REP15: variants seen among roughly 807,000 people sequenced by gnomAD.
The protein encoded by REP15 is RAB15 effector protein.
Under a neutral mutation model 1.1 loss-of-function variants are expected in REP15, and 1 was observed. The observed-to-expected ratio is 0.89, with a 90% CI of 0.32 to 4.24. The LOEUF is 4.24. Ranked by LOEUF, REP15 falls within the 30% of genes most tolerant of loss-of-function variation. The probability of loss-of-function intolerance (pLI) is 0.17; values close to 1 mark genes in which losing one functional copy is unlikely to be tolerated. For missense variants in REP15, 246 were observed against 271.9 expected (o/e 0.90, Z 0.67); for synonymous variants, 100 against 99.7 (o/e 1.00, Z -0.02).
rs1333664809 is a variant in REP15 at position 27,696,785 on chromosome 12, T to C, written c.223T>C (p.Trp75Arg). The C allele has an allele frequency of 6.2e-7, 1 of 1,614,106 alleles. No individual in the cohort carries two copies. Among genetic ancestry groups the C allele is most frequent in the South Asian group, 1.1e-5 (1 of 91,078 alleles). The change falls in exon 1 of 1, where the codon TGG becomes CGG. Residue 75 changes from tryptophan to arginine, a missense_variant. Coordinates refer to ENST00000310791, the MANE Select transcript of REP15 (RefSeq NM_001029874.3). ...CTGCCAAGAAAAGGGAGTTGATGAG[T>C]GGCTGACCACCACCAAGATGACCAA... is the stretch of plus-strand genomic sequence containing the variant. Reference protein sequence around the residue: ...TFCQEKGVDEWLTTTKMTKHQ... With the variant: ...TFCQEKGVDERLTTTKMTKHQ...
At position 27,697,004 on chromosome 12, in the gene REP15, C is replaced by T. The variant is rs560293371; in HGVS notation, c.442C>T (p.Leu148=). Residue 148 remains leucine, a synonymous_variant, in exon 1 of 1, where the codon CTG becomes TTG. Transcript: ENST00000310791. ...SSWKKSRFDK[L]EEFCNLIGED... is the part of the protein sequence containing the mutation. ...CTGGAAGAAAAGTAGATTTGATAAG[C>T]TGGAAGAATTCTGTAACTTAATAGG... 6.2e-7 allele frequency: 1 copy of T among 1,614,042 alleles called. No homozygotes were observed. The highest frequency in any genetic ancestry group is 1.6e-4 in the Middle Eastern group (1 of 6,062).
Position 27,696,798 on chromosome 12 carries a change from CCAA to C in REP15, c.237_239del (p.Lys80del). ...GGAGTTGATGAGTGGCTGACCACCA[CCAA>C]GATGACCAAGCACCAAGCCTTCCTG... On this transcript the variant is annotated inframe_deletion, in exon 1 of 1. Transcript: ENST00000310791. The C allele has an allele frequency of 3.1e-6, 5 of 1,614,118 alleles. No individual in the cohort carries two copies. Among genetic ancestry groups the C allele is most frequent in the Non-Finnish European group, 4.2e-6 (5 of 1,179,976 alleles).
Position 27,696,488 on chromosome 12 carries a change from C to T in REP15, c.-75C>T. The T allele has an allele frequency of 8.5e-7, 1 of 1,183,178 alleles. No homozygotes were observed. Among genetic ancestry groups the T allele is most frequent in the South Asian group, 1.6e-5 (1 of 64,386 alleles). 73.3% of individuals were successfully genotyped at this position (1,183,178 alleles called of 1,614,324 possible). ...ATGAACCATTAACAGATGTGGCCTC[C>T]CTGCAGAACTTTTACTTTGAAAAAG... On this transcript the variant is annotated 5_prime_UTR_variant, in exon 1 of 1. Transcript: ENST00000310791.
rs2061742184 is a variant in REP15 at position 27,697,501 on chromosome 12, G to GACT, written c.*228_*229insACT. The stretch of plus-strand genomic sequence containing the variant: ...ATGATTTAAAAACAGTTCAGGAAAA[G>GACT]TTATAATTTAGTTTAATATTTCATT... On this transcript the variant is annotated 3_prime_UTR_variant, in exon 1 of 1. Transcript: ENST00000310791. 1 of 370,216 alleles carries GACT rather than the reference G, an allele frequency of 2.7e-6. No individual in the cohort carries two copies. Among genetic ancestry groups the GACT allele is most frequent in the African/African-American group, 2.1e-5 (1 of 47,734 alleles). The allele number at this position is 370,216 out of a possible 1,614,324, so 22.9% of individuals were successfully genotyped here.
At position 27,697,262 on chromosome 12, in the gene REP15, A is replaced by C; in HGVS notation, c.700A>C (p.Ser234Arg). The C allele has an allele frequency of 6.2e-7, 1 of 1,606,290 alleles. No individual in the cohort carries two copies. The highest frequency in any genetic ancestry group is 8.5e-7 in the Non-Finnish European group (1 of 1,173,420). Residue 234 changes from serine to arginine, a missense_variant, in exon 1 of 1, where the codon AGC becomes CGC. Ser to Arg is a moderately radical substitution (Grantham distance 110, BLOSUM62 -1). Transcript: ENST00000310791. ...GAGAGAGGTGGGCAAGGTTTATATC[A>C]GCATTCTCTGACTTGGATATGTATT... ...GLREVGKVYI[S>R]IL
At position 27,696,714 on chromosome 12, in the gene REP15, C is replaced by T; in HGVS notation, c.152C>T (p.Ala51Val). 6.2e-7 allele frequency: 1 copy of T among 1,614,166 alleles called. No individual in the cohort carries two copies. The highest frequency in any genetic ancestry group is 8.5e-7 in the Non-Finnish European group (1 of 1,180,028). ...FEYPPSKLCP[A>V]ANTLNEIFLI... Reference sequence around the variant, plus strand: ...TATCCTCCAAGTAAACTCTGCCCAGCTGCAAATACTCTGAATGAGATCTTC... The same window carrying T: ...TATCCTCCAAGTAAACTCTGCCCAGTTGCAAATACTCTGAATGAGATCTTC... Residue 51 changes from alanine (A) to valine (V), a missense_variant, in exon 1 of 1, where the codon GCT becomes GTT. By Grantham distance (64) the Ala-to-Val change is moderately conservative. Transcript: ENST00000310791.
In REP15 at chr12:27,697,495, G is replaced by A. The variant is rs1160015538; in HGVS notation, c.*222G>A. ...CTGCCTATGATTTAAAAACAGTTCAGGAAAAGTTATAATTTAGTTTAATAT... is the reference window on the plus strand; with the variant it reads ...CTGCCTATGATTTAAAAACAGTTCAAGAAAAGTTATAATTTAGTTTAATAT... On this transcript the variant is annotated 3_prime_UTR_variant, in exon 1 of 1. Transcript: ENST00000310791. The A allele has an allele frequency of 1.0e-5, 4 of 386,608 alleles. No individual in the cohort carries two copies. The highest frequency in any genetic ancestry group is 1.9e-5 in the Non-Finnish European group (4 of 208,842). 23.9% of individuals were successfully genotyped at this position (386,608 alleles called of 1,614,324 possible). A position where few individuals can be genotyped will look rare whatever the true frequency, so the allele number is the denominator to read the frequency against.
rs773967197 is a variant in REP15 at position 27,696,990 on chromosome 12, G to C, written c.428G>C (p.Ser143Thr). The C allele has an allele frequency of 1.9e-6, 3 of 1,614,056 alleles. No individual in the cohort carries two copies. In the South Asian group the frequency reaches 3.3e-5, roughly 18 times the overall value. The change falls in exon 1 of 1, where the codon AGT (serine) becomes ACT (threonine). Residue 143 changes from serine to threonine, a missense_variant. By Grantham distance (58) the Ser-to-Thr change is moderately conservative. Coordinates refer to ENST00000310791, the MANE Select transcript of REP15 (RefSeq NM_001029874.3). ...GTAGAGGAGTCTTCCTGGAAGAAAAGTAGATTTGATAAGCTGGAAGAATTC... is the reference window on the plus strand; with the variant it reads ...GTAGAGGAGTCTTCCTGGAAGAAAACTAGATTTGATAAGCTGGAAGAATTC... ...SRVEESSWKK[S>T]RFDKLEEFCN... is the part of the protein sequence containing the mutation.
At position 27,696,992 on chromosome 12, in the gene REP15, A is replaced by G. The variant is rs1021811996; in HGVS notation, c.430A>G (p.Arg144Gly). Residue 144 changes from arginine to glycine, a missense_variant, in exon 1 of 1, where the codon AGA (arginine) becomes GGA (glycine). Coordinates refer to ENST00000310791, the MANE Select transcript of REP15 (RefSeq NM_001029874.3). ...RVEESSWKKS[R>G]FDKLEEFCNL... ...AGAGGAGTCTTCCTGGAAGAAAAGT[A>G]GATTTGATAAGCTGGAAGAATTCTG... 2 of 1,614,034 alleles carry G rather than the reference A, an allele frequency of 1.2e-6. No individual in the cohort carries two copies. Among genetic ancestry groups the G allele is most frequent in the Admixed American group, 3.3e-5 (2 of 60,004 alleles).
Position 27,696,771 on chromosome 12 carries a change from A to C in REP15, c.209A>C (p.Lys70Thr). The C allele has an allele frequency of 6.2e-7, 1 of 1,614,066 alleles. No individual in the cohort carries two copies. Among genetic ancestry groups the C allele is most frequent in the Non-Finnish European group, 8.5e-7 (1 of 1,179,908 alleles). ...LIHFITFCQE[K>T]GVDEWLTTTK... Reference sequence around the variant, plus strand: ...CATTTCATCACTTTCTGCCAAGAAAAGGGAGTTGATGAGTGGCTGACCACC... The same window carrying C: ...CATTTCATCACTTTCTGCCAAGAAACGGGAGTTGATGAGTGGCTGACCACC... The change falls in exon 1 of 1, where the codon AAG becomes ACG. Residue 70 changes from lysine (K) to threonine (T), a missense_variant. Transcript: ENST00000310791.
chr12:27,696,864 A>G lies in REP15; in HGVS notation c.302A>G (p.Asn101Ser), dbSNP rs2061734675. 1.9e-6 allele frequency: 3 copies of G among 1,614,064 alleles called. No individual in the cohort carries two copies. Among genetic ancestry groups the G allele is most frequent in the East Asian group, 4.5e-5 (2 of 44,880 alleles). ...ADWIWTFWGSNKQIKLQLAVQ... is the reference protein window; with the variant it reads ...ADWIWTFWGSSKQIKLQLAVQ... ...TGGATTTGGACCTTTTGGGGATCCA[A>G]CAAGCAAATAAAGCTTCAGCTCGCA... is the stretch of plus-strand genomic sequence containing the variant. Residue 101 changes from asparagine (N) to serine (S), a missense_variant, in exon 1 of 1, where the codon AAC becomes AGC. Physicochemically the swap from Asn to Ser is conservative, Grantham distance 46. Transcript: ENST00000310791.
Position 27,696,532 on chromosome 12 carries a change from T to A in REP15, c.-31T>A. On this transcript the variant is annotated 5_prime_UTR_variant, in exon 1 of 1. Transcript: ENST00000310791. ...GAAAAAGAAGTACGTCTGAACCAGA[T>A]TCACATGTTTGATATTTGGATGCAG... 1 of 1,540,104 alleles carries A rather than the reference T, an allele frequency of 6.5e-7. No individual in the cohort carries two copies.
Position 27,697,090 on chromosome 12 carries a change from G to T in REP15, c.528G>T (p.Arg176Ser), listed in dbSNP as rs1259645991. ...FGMPGKPKDI[R>S]GVVLDSVKSQ... ...TGCCAGGAAAGCCTAAAGACATCAGGGGAGTTGTCCTGGACAGTGTCAAAA... is the reference window on the plus strand; with the variant it reads ...TGCCAGGAAAGCCTAAAGACATCAGTGGAGTTGTCCTGGACAGTGTCAAAA... The change falls in exon 1 of 1, where the codon AGG (arginine) becomes AGT (serine). Residue 176 changes from arginine to serine, a missense_variant. Arg to Ser is a moderately radical substitution (Grantham distance 110, BLOSUM62 -1). Coordinates refer to ENST00000310791, the MANE Select transcript of REP15 (RefSeq NM_001029874.3). The T allele has an allele frequency of 6.2e-7, 1 of 1,614,150 alleles. No individual in the cohort carries two copies. Among genetic ancestry groups the T allele is most frequent in the Admixed American group, 1.7e-5 (1 of 60,018 alleles).
rs778003335 is a variant in REP15, at chr12:27,697,181, G to A, written c.619G>A (p.Asp207Asn). 6.2e-7 allele frequency: 1 copy of A among 1,614,174 alleles called. No homozygotes were observed. The highest frequency in any genetic ancestry group is 8.5e-7 in the Non-Finnish European group (1 of 1,180,004). The change falls in exon 1 of 1, where the codon GAT becomes AAT. Residue 207 changes from aspartate (D) to asparagine (N), a missense_variant. Asp to Asn is a conservative substitution (Grantham distance 23). Coordinates refer to ENST00000310791, the MANE Select transcript of REP15 (RefSeq NM_001029874.3). Reference sequence around the variant, plus strand: ...GGCTCAGTTTGTCCTGGAAACTGAAGATTGTGTGTTCATCAAAGAGCTGCT... The same window carrying A: ...GGCTCAGTTTGTCCTGGAAACTGAAAATTGTGTGTTCATCAAAGAGCTGCT... ...AVAQFVLETE[D>N]CVFIKELLRN... is the part of the protein sequence containing the mutation.
In REP15 at chr12:27,697,426, TG is replaced by T. The variant is rs1347022018; in HGVS notation, c.*154del. 3.7e-6 allele frequency: 2 copies of T among 540,774 alleles called. No individual in the cohort carries two copies. Among genetic ancestry groups the T allele is most frequent in the Admixed American group, 6.8e-5 (2 of 29,464 alleles). 33.5% of individuals were successfully genotyped at this position (540,774 alleles called of 1,614,324 possible). On this transcript the variant is annotated 3_prime_UTR_variant, in exon 1 of 1. Coordinates refer to ENST00000310791, the MANE Select transcript of REP15 (RefSeq NM_001029874.3). ...GATTACTGGGATCAAAGTACATTCA[TG>T]TCGCAATTACAGAGAGAGAGAGAAA...
rs766746563 is a variant in REP15, at chr12:27,697,029, G to A, written c.467G>A (p.Gly156Glu). The A allele has an allele frequency of 1.2e-6, 2 of 1,613,800 alleles. No individual in the cohort carries two copies. Among genetic ancestry groups the A allele is most frequent in the East Asian group, 2.2e-5 (1 of 44,880 alleles). ...DKLEEFCNLI[G>E]EDCLGLFIIF... ...CTGGAAGAATTCTGTAACTTAATAG[G>A]AGAGGATTGCCTGGGTCTGTTTATC... is the stretch of plus-strand genomic sequence containing the variant. Residue 156 changes from glycine (G) to glutamate (E), a missense_variant, in exon 1 of 1, where the codon GGA (glycine) becomes GAA (glutamate). By Grantham distance (98) the Gly-to-Glu change is moderately conservative. Transcript: ENST00000310791.
chr12:27,696,814 C>T lies in REP15; in HGVS notation c.252C>T (p.His84=). ...EWLTTTKMTK[H]QAFLFGADWI... ...TGACCACCACCAAGATGACCAAGCA[C>T]CAAGCCTTCCTGTTTGGTGCAGACT... is the stretch of plus-strand genomic sequence containing the variant. The change falls in exon 1 of 1, where the codon CAC becomes CAT. Residue 84 remains histidine, a synonymous_variant. Transcript: ENST00000310791. 2 of 1,614,170 alleles carry T rather than the reference C, an allele frequency of 1.2e-6. No homozygotes were observed. Among genetic ancestry groups the T allele is most frequent in the Non-Finnish European group, 1.7e-6 (2 of 1,180,028 alleles).
At position 27,696,856 on chromosome 12, in the gene REP15, G is replaced by A; in HGVS notation, c.294G>A (p.Trp98Ter). Residue 98 changes from tryptophan (W) to a stop codon, truncating the protein, a stop_gained, in exon 1 of 1, where the codon TGG becomes TGA. Coordinates refer to ENST00000310791, the MANE Select transcript of REP15 (RefSeq NM_001029874.3). LOFTEE classifies it low-confidence loss of function (END_TRUNC). ...LFGADWIWTF[W>*]GSNKQIKLQL... ...GTGCAGACTGGATTTGGACCTTTTG[G>A]GGATCCAACAAGCAAATAAAGCTTC... 6.2e-7 allele frequency: 1 copy of A among 1,613,934 alleles called. No individual in the cohort carries two copies. Among genetic ancestry groups the A allele is most frequent in the Non-Finnish European group, 8.5e-7 (1 of 1,179,998 alleles).
chr12:27,696,484 C>T lies in REP15; in HGVS notation c.-79C>T. ...AAACATGAACCATTAACAGATGTGG[C>T]CTCCCTGCAGAACTTTTACTTTGAA... On this transcript the variant is annotated 5_prime_UTR_variant, in exon 1 of 1. Coordinates refer to ENST00000310791, the MANE Select transcript of REP15 (RefSeq NM_001029874.3). 9.0e-7 allele frequency: 1 copy of T among 1,113,884 alleles called. No homozygotes were observed. Among genetic ancestry groups the T allele is most frequent in the South Asian group, 1.6e-5 (1 of 62,740 alleles). 69.0% of individuals were successfully genotyped at this position (1,113,884 alleles called of 1,614,324 possible).
Sources: gnomAD v4.1 joint callset for allele counts on GRCh38, gnomAD v4.1.1 for gene constraint, MANE v1.5 for transcripts, NCBI Gene and HGNC (gene_info 2026-07-23, HGNC 2026-07-21) for gene names.